The following LAMB4 variants were observed in gnomAD, a reference collection of about 807,000 sequenced individuals.
LAMB4 encodes the protein laminin subunit beta 4.
In LAMB4, 196 loss-of-function variants were observed where a neutral mutation model predicts 199.2. The ratio of observed to expected loss-of-function variants is 0.98; its 90% CI spans 0.88 to 1.11. The LOEUF (loss-of-function observed/expected upper bound fraction) is 1.11. Ranked by LOEUF, LAMB4 falls within the 50% of genes least tolerant of loss-of-function variation. The pLI, the probability that LAMB4 is intolerant of heterozygous loss-of-function variation, is 0.00. For missense variants in LAMB4, 2,080 were observed against 2,171.2 expected, an observed-to-expected ratio of 0.96 and a Z score of 0.83; for synonymous variants, 744 against 770.6, an observed-to-expected ratio of 0.97 and a Z score of 0.57.
At chr7:108,017,487 A>T in the LAMB4 span, among the ~76,000 whole-genome samples, 475 of 152,366 alleles carry the variant, frequency 3.1e-3, 7 homozygotes, top group African/African-American at 0.011. Flanking sequence ...CAATTTATGG[A>T]ACTAATACTT....
chr7:108,056,108 C>T (rs1447206468), intron 24 of LAMB4, 101 bp from the exon 25 acceptor site: 27 of 1,056,570 alleles, frequency 2.6e-5, no homozygotes, highest in Non-Finnish European at 3.4e-5. Context: ...ATCTTCCCAA[C>T]TCACACTTCT....
intron 14 of LAMB4, among the ~76,000 whole-genome samples, chr7:108,084,860 C>T (rs1256153760): frequency 6.9e-6 from 1 of 145,826 alleles, no homozygotes; most frequent in Non-Finnish European, 1.5e-5. Flanking sequence ...CCTCCCACCT[C>T]AGCCTACTGA....
chr7:108,047,403 C>T (rs1201948512), intron 28 of LAMB4, among the ~76,000 whole-genome samples: 1 of 152,072 alleles, frequency 6.6e-6, no homozygotes, highest in African/African-American at 2.4e-5. Flanking sequence ...CGATGAAGAC[C>T]TTAATGATGA....
intron 10 of LAMB4, among the ~76,000 whole-genome samples, chr7:108,102,303 G>T (rs1197599559): frequency 6.6e-6 from 1 of 152,166 alleles, no homozygotes; most frequent in Non-Finnish European, 1.5e-5. Context: ...TACCCAAGTT[G>T]CTGAAAGACA....
intron 17 of LAMB4, chr7:108,075,415 T>G (rs2036662670): frequency 6.6e-6 from 1 of 152,182 alleles, no homozygotes. Context: ...GCCTTTTAGC[T>G]TGAAAGCAGC....
intron 2 of LAMB4, among the ~76,000 whole-genome samples, chr7:108,120,751 AAAG>A (rs1427008270): frequency 1.3e-5 from 2 of 152,256 alleles, no homozygotes; most frequent in Admixed American, 6.5e-5. Flanking sequence ...CATGTGAATA[AAAG>A]AAGACTTCCC....
intron 14 of LAMB4, among the ~76,000 whole-genome samples, chr7:108,085,970 T>C (rs554643663): frequency 3.9e-5 from 6 of 152,278 alleles, no homozygotes; most frequent in African/African-American, 1.4e-4. Flanking sequence ...AATGAGTAGG[T>C]GTTGTAGGTG....
At chr7:108,064,241 C>A (rs929276115) in intron 21 of LAMB4, among the ~76,000 whole-genome samples, 1 of 152,050 alleles carries the variant, frequency 6.6e-6, no homozygotes, top group Non-Finnish European at 1.5e-5. Flanking sequence ...CTTCAAATAC[C>A]ATGGAGCTGT....
chr7:108,052,216 TAC>T lies in LAMB4; in HGVS notation c.3795_3796del (p.Tyr1266Ter). The T allele has an allele frequency of 6.2e-7, 1 of 1,610,830 alleles. No individual in the cohort carries two copies. The highest frequency in any genetic ancestry group is 8.5e-7 in the Non-Finnish European group (1 of 1,178,394). On this transcript the variant is annotated frameshift_variant, in exon 26 of 34. Transcript: ENST00000388781. LOFTEE classifies it high-confidence loss of function. Reference sequence around the variant, plus strand: ...TGTATCTTTCAGATCTTGAAATTCATACACTGCTTTCAGTTGTTCATTTAGCT... The same window carrying T: ...TGTATCTTTCAGATCTTGAAATTCATACTGCTTTCAGTTGTTCATTTAGCT...
intron 31 of LAMB4, among the ~76,000 whole-genome samples, chr7:108,032,143 A>T (rs1246343131): frequency 6.6e-6 from 1 of 152,134 alleles, no homozygotes; most frequent in Non-Finnish European, 1.5e-5. Flanking sequence ...TAATCCCAGG[A>T]CTTTGGGAGG....
Position 108,063,860 on chromosome 7 carries a change from T to C in LAMB4, c.2962A>G (p.Thr988Ala). The C allele has an allele frequency of 6.2e-7, 1 of 1,614,240 alleles. No individual in the cohort carries two copies. Among genetic ancestry groups the C allele is most frequent in the Non-Finnish European group, 8.5e-7 (1 of 1,180,028 alleles). ...TGCAAACATCGAAGGCACTCCCCTG[T>C]TACCCGGCTGCAGGACTCTGGATCG... Reference protein sequence around the residue: ...VTDPESCSRVTGECLRCLHNT... With the variant: ...VTDPESCSRVAGECLRCLHNT... Residue 988 changes from threonine to alanine, a missense_variant, in exon 22 of 34, where the codon ACA becomes GCA. Thr to Ala is a moderately conservative substitution (Grantham distance 58). Transcript: ENST00000388781.
At chr7:108,073,703 A>G (rs1298246498) in intron 17 of LAMB4, among the ~76,000 whole-genome samples, 2 of 152,214 alleles carry the variant, frequency 1.3e-5, no homozygotes, top group Non-Finnish European at 2.9e-5. Flanking sequence ...GAGCAACAAA[A>G]TTGGTGGTAT....
chr7:108,105,304 T>C (rs553802184), intron 8 of LAMB4, among the ~76,000 whole-genome samples: 13 of 152,294 alleles, frequency 8.5e-5, no homozygotes, highest in African/African-American at 3.1e-4. Context: ...AAGAATGCTA[T>C]TTGGATTGAA....
At position 108,057,827 on chromosome 7, in the gene LAMB4, C is replaced by G; in HGVS notation, c.3379+5G>C. The G allele has an allele frequency of 6.3e-7, 1 of 1,595,710 alleles. No individual in the cohort carries two copies. Among genetic ancestry groups the G allele is most frequent in the Non-Finnish European group, 8.6e-7 (1 of 1,163,300 alleles). ...GCATGAGTTTTTAGAAATCCCAATA[C>G]TTACGAATGCATCGCCCAGGTGGAT... On this transcript the variant is annotated splice_donor_5th_base_variant and intron_variant, in intron 24 of 33. Coordinates refer to ENST00000388781, the MANE Select transcript of LAMB4 (RefSeq NM_007356.3).
rs1554420519 is a variant in LAMB4 at position 108,025,389 on chromosome 7, T to TTTTTTC, written c.5147-1212_5147-1211insGAAAAA. On this transcript the variant is annotated intron_variant, in intron 33 of 33. Coordinates refer to ENST00000388781, the MANE Select transcript of LAMB4 (RefSeq NM_007356.3). Reference sequence around the variant, plus strand: ...TTCTTTCTTTCTTTCTTTTCTTTTCTTTTCTTTCTTTCTTTCTTTCTTTCT... The same window carrying TTTTTTC: ...TTCTTTCTTTCTTTCTTTTCTTTTCTTTTTTCTTTCTTTCTTTCTTTCTTTCTTTCT... 2.5e-3 allele frequency among the ~76,000 whole-genome samples: 231 copies of TTTTTTC among 91,204 alleles called. 2 individuals are homozygous for TTTTTTC. Among genetic ancestry groups the TTTTTTC allele is most frequent in the South Asian group, 5.8e-3 (22 of 3,806 alleles). 59.8% of individuals were successfully genotyped at this position (91,204 alleles called of 152,430 possible). A position where few individuals can be genotyped will look rare whatever the true frequency, so the allele number is the denominator to read the frequency against.
Position 108,093,349 on chromosome 7 carries a change from G to A in LAMB4, c.1471-933C>T, listed in dbSNP as rs545437324. On this transcript the variant is annotated intron_variant, in intron 12 of 33. Coordinates refer to ENST00000388781, the MANE Select transcript of LAMB4 (RefSeq NM_007356.3). ...CAAAGTGCTGGGATTACAGGCATGA[G>A]CCACCAGGCTCGGCCGTGTAACTGC... Among the ~76,000 whole-genome samples the A allele has an allele frequency of 3.9e-5, 6 of 152,340 alleles. 1 individual carries two copies. The South Asian group carries it at 1.2e-3, about 32-fold the overall frequency.
chr7:108,064,036 G>C (rs2036255851), intron 21 of LAMB4, 51 bp from the exon 22 acceptor site: 2 of 1,286,108 alleles, frequency 1.6e-6, no homozygotes, highest in African/African-American at 2.9e-5. Context: ...AGTGTTGGGA[G>C]AGAGGAGGAG....
chr7:108,076,865 AT>A, intron 17 of LAMB4, 78 bp downstream of exon 17: 1 of 1,467,828 alleles, frequency 6.8e-7, no homozygotes, highest in Non-Finnish European at 9.3e-7. Context: ...TTAAAGAAAT[AT>A]TTCACTAGTG....
intron 17 of LAMB4, among the ~76,000 whole-genome samples, chr7:108,073,125 C>T (rs2036588477): frequency 6.6e-6 from 1 of 152,212 alleles, no homozygotes; most frequent in South Asian, 2.1e-4. Context: ...CTGCCTCAGC[C>T]TCCCCAAGTA....
Sources: allele counts gnomAD v4.1 joint callset (sites outside exome capture counted in the v4.1 genomes callset), GRCh38; gene constraint gnomAD v4.1.1; transcripts MANE v1.5; gene names NCBI Gene and HGNC (gene_info 2026-07-23, HGNC 2026-07-21).